Variants in PTPRM observed in about 807,000 individuals in gnomAD.
The protein encoded by PTPRM is protein tyrosine phosphatase receptor type M.
Under a neutral mutation model 186.7 loss-of-function variants are expected in PTPRM, and 47 were observed. The observed-to-expected ratio is 0.25, with a 90% CI of 0.20 to 0.32. The LOEUF (loss-of-function observed/expected upper bound fraction) is 0.32, where lower values mean the gene tolerates loss of function less well. Ranked by LOEUF, PTPRM falls within the 10% of genes least tolerant of loss-of-function variation. PTPRM has a pLI of 1.00. For synonymous variants in PTPRM, 668 were observed against 674.9 expected (o/e 0.99, Z 0.16); for missense variants, 1,494 against 1,865.0 (o/e 0.80, Z 3.66).
rs76001697 is a variant in PTPRM, at chr18:8,071,734, C to T, written c.1441+1740C>T. Among the ~76,000 whole-genome samples the T allele has an allele frequency of 7.7e-3, 1,178 of 152,304 alleles. 12 individuals carry two copies. The highest frequency in any genetic ancestry group is 0.027 in the African/African-American group (1,111 of 41,556). The stretch of plus-strand genomic sequence containing the variant: ...TTGGCCAGTCGGGGCCTCTCCTGGC[C>T]GCTTCTCAAGCTCGCCTACTCTGCT... On this transcript the variant is annotated intron_variant, in intron 8 of 32. Coordinates refer to ENST00000580170, the MANE Select transcript of PTPRM (RefSeq NM_001105244.2).
rs147526680 is a variant in PTPRM, at chr18:8,012,937, C to T, written c.1133-56749C>T. Among the ~76,000 whole-genome samples the T allele has an allele frequency of 3.2e-3, 487 of 152,102 alleles. 3 individuals are homozygous for T. The highest frequency in any genetic ancestry group is 0.011 in the African/African-American group (462 of 41,480). On this transcript the variant is annotated intron_variant, in intron 7 of 32. Coordinates refer to ENST00000580170, the MANE Select transcript of PTPRM (RefSeq NM_001105244.2). Reference sequence around the variant, plus strand: ...CTACTCAAGGGTGATTGGCAGTGGCCTCGTGCTGCCTCTTGCACTGGGGAG... The same window carrying T: ...CTACTCAAGGGTGATTGGCAGTGGCTTCGTGCTGCCTCTTGCACTGGGGAG...
At chr18:7,578,216 G>A (rs899120901) in intron 1 of PTPRM, among the ~76,000 whole-genome samples, 2 of 152,084 alleles carry the variant, frequency 1.3e-5, no homozygotes, top group East Asian at 1.9e-4. Flanking sequence ...AGGCTGTAGT[G>A]CAAGTGGCAT....
intron 5 of PTPRM, among the ~76,000 whole-genome samples, chr18:7,931,605 G>A (rs949098304): frequency 1.3e-5 from 2 of 152,224 alleles, no homozygotes; most frequent in Non-Finnish European, 2.9e-5. Context: ...GGAGGCTGAG[G>A]CAGGAGAATC....
At chr18:8,097,582 G>A (rs1383890702) in intron 11 of PTPRM, among the ~76,000 whole-genome samples, 1 of 152,164 alleles carries the variant, frequency 6.6e-6, no homozygotes, top group Admixed American at 6.5e-5. Context: ...TTGTCTTCAT[G>A]TCATTGTGCT....
intron 29 of PTPRM, among the ~76,000 whole-genome samples, chr18:8,382,319 C>A (rs1383399552): frequency 6.6e-6 from 1 of 152,160 alleles, no homozygotes; most frequent in Non-Finnish European, 1.5e-5. Flanking sequence ...GTGTAAGTGG[C>A]AAGCTTTTGG....
At chr18:8,137,165 C>G (rs1042874599) in intron 13 of PTPRM, among the ~76,000 whole-genome samples, 1 of 152,182 alleles carries the variant, frequency 6.6e-6, no homozygotes, top group Non-Finnish European at 1.5e-5. Context: ...GCCTCCTCAG[C>G]TTTTCTTTTC....
intron 14 of PTPRM, among the ~76,000 whole-genome samples, chr18:8,149,416 T>G (rs184173931): frequency 6.6e-6 from 1 of 152,238 alleles, no homozygotes; most frequent in Non-Finnish European, 1.5e-5. Context: ...TGCCCTTCTT[T>G]GTCTCTTTTG....
At chr18:8,308,411 G>A (rs751361377) in intron 20 of PTPRM, among the ~76,000 whole-genome samples, 4 of 152,122 alleles carry the variant, frequency 2.6e-5, no homozygotes, top group Non-Finnish European at 5.9e-5. Flanking sequence ...AAATATAAAT[G>A]CAAGCCACAT....
intron 19 of PTPRM, among the ~76,000 whole-genome samples, chr18:8,264,094 C>T (rs1010825501): frequency 1.3e-5 from 2 of 152,122 alleles, no homozygotes; most frequent in African/African-American, 2.4e-5. Flanking sequence ...AGAGTGGAAG[C>T]GAATGAGAGG....
intron 7 of PTPRM, among the ~76,000 whole-genome samples, chr18:7,960,431 G>A (rs1238515044): frequency 6.9e-6 from 1 of 144,640 alleles, no homozygotes; most frequent in Non-Finnish European, 1.5e-5. Context: ...GGTACTGGAG[G>A]AAGGGAGTAT....
At chr18:7,577,755 T>C (rs892314031) in intron 1 of PTPRM, among the ~76,000 whole-genome samples, 2 of 152,188 alleles carry the variant, frequency 1.3e-5, no homozygotes, top group African/African-American at 4.8e-5. Flanking sequence ...TTGGCTCTCA[T>C]TGGCATTGTG....
At chr18:8,003,289 C>T (rs2083980297) in intron 7 of PTPRM, among the ~76,000 whole-genome samples, 1 of 152,204 alleles carries the variant, frequency 6.6e-6, no homozygotes, top group Non-Finnish European at 1.5e-5. Context: ...CCTACGGCGA[C>T]ATAAGACAAG....
chr18:7,613,039 G>A (rs746224993), intron 1 of PTPRM, among the ~76,000 whole-genome samples: 22 of 152,218 alleles, frequency 1.4e-4, no homozygotes, highest in East Asian at 1.9e-4. Flanking sequence ...GGAAACCAGC[G>A]TCCCATCTGT....
At chr18:8,129,677 C>A (rs1390510021) in intron 13 of PTPRM, among the ~76,000 whole-genome samples, 1 of 152,046 alleles carries the variant, frequency 6.6e-6, no homozygotes, top group Non-Finnish European at 1.5e-5. Flanking sequence ...TGTGAGAGTT[C>A]TTTGAAAATA....
chr18:7,996,081 A>G (rs1220068609), intron 7 of PTPRM, among the ~76,000 whole-genome samples: 5 of 152,050 alleles, frequency 3.3e-5, no homozygotes, highest in Non-Finnish European at 7.4e-5. Flanking sequence ...AGTTCCCTTC[A>G]AGGTTTTGTA....
chr18:7,685,981 T>C (rs2039593047), intron 1 of PTPRM, among the ~76,000 whole-genome samples: 1 of 152,092 alleles, frequency 6.6e-6, no homozygotes, highest in South Asian at 2.1e-4. Flanking sequence ...GCTCACAGAC[T>C]CTAGTGGCAG....
At chr18:7,661,278 C>A (rs1430936427) in intron 1 of PTPRM, among the ~76,000 whole-genome samples, 2 of 152,104 alleles carry the variant, frequency 1.3e-5, no homozygotes, top group East Asian at 3.9e-4. Flanking sequence ...TTAGAAGCTC[C>A]CCTTACAGAT....
At chr18:8,035,734 A>G (rs1306268456) in intron 7 of PTPRM, among the ~76,000 whole-genome samples, 1 of 152,108 alleles carries the variant, frequency 6.6e-6, no homozygotes, top group Non-Finnish European at 1.5e-5. Flanking sequence ...GGTACAAGGA[A>G]ACTTTTGGAG....
At chr18:7,701,887 G>T (rs541008467) in intron 1 of PTPRM, among the ~76,000 whole-genome samples, 1 of 151,986 alleles carries the variant, frequency 6.6e-6, no homozygotes, top group South Asian at 2.1e-4. Flanking sequence ...GGTGTGTGAT[G>T]TCCCCCTCCC....
Sources: allele counts gnomAD v4.1 joint callset (sites outside exome capture counted in the v4.1 genomes callset), GRCh38; gene constraint gnomAD v4.1.1; transcripts MANE v1.5; gene names NCBI Gene and HGNC (gene_info 2026-07-23, HGNC 2026-07-21).